LRFN5: variants seen among roughly 807,000 people sequenced by gnomAD.
LRFN5 encodes the protein leucine rich repeat and fibronectin type III domain containing 5, also known as leucine-rich repeat and fibronectin type-III domain-containing protein 5.
LRFN5 carries 24 observed loss-of-function variants against 45.6 expected under a neutral mutation model. That is an observed-to-expected ratio of 0.53 (90% CI 0.38 to 0.74). LRFN5 has a LOEUF of 0.74. Ranked by LOEUF, LRFN5 falls within the 30% of genes least tolerant of loss-of-function variation. The probability of loss-of-function intolerance (pLI) is 0.00; values close to 1 mark genes in which losing one functional copy is unlikely to be tolerated. For synonymous variants in LRFN5, 340 were observed against 313.8 expected (o/e 1.08, Z -0.88); for missense variants, 776 against 861.5 (o/e 0.90, Z 1.24).
intron 2 of LRFN5, among the ~76,000 whole-genome samples, chr14:41,771,035 A>T (rs1886066483): frequency 6.6e-6 from 1 of 151,926 alleles, no homozygotes; most frequent in South Asian, 2.1e-4. Flanking sequence ...CCAAGGCTTA[A>T]GGCTTGTGCC....
At chr14:41,885,546 T>C (rs923896418) in intron 2 of LRFN5, among the ~76,000 whole-genome samples, 3 of 152,104 alleles carry the variant, frequency 2.0e-5, no homozygotes, top group Non-Finnish European at 1.5e-5. Context: ...CAGAATATAA[T>C]ATCTTGTTGA....
chr14:41,654,880 T>C (rs1880303887), intron 1 of LRFN5, among the ~76,000 whole-genome samples: 1 of 152,056 alleles, frequency 6.6e-6, no homozygotes, highest in Non-Finnish European at 1.5e-5. Context: ...AGATACCACA[T>C]GAACAGTAGT....
chr14:41,646,639 C>CT (rs539287604), intron 1 of LRFN5, among the ~76,000 whole-genome samples: 13 of 151,984 alleles, frequency 8.6e-5, no homozygotes, highest in African/African-American at 1.7e-4. Flanking sequence ...CATCATTTTA[C>CT]TTTTTTTTGT....
At chr14:41,612,451 T>C (rs1250080231) in intron 1 of LRFN5, among the ~76,000 whole-genome samples, 1 of 152,128 alleles carries the variant, frequency 6.6e-6, no homozygotes, top group Non-Finnish European at 1.5e-5. Flanking sequence ...GGGTTTTGTA[T>C]GTAGTATAAT....
chr14:41,836,825 G>T (rs1888677267), intron 2 of LRFN5, among the ~76,000 whole-genome samples: 1 of 116,490 alleles, frequency 8.6e-6, no homozygotes, highest in African/African-American at 3.7e-5. Context: ...TAGCCTCCTT[G>T]TTGGGTATCT....
intron 1 of LRFN5, among the ~76,000 whole-genome samples, chr14:41,667,889 A>AT (rs1254089540): frequency 2.6e-5 from 4 of 152,176 alleles, no homozygotes; most frequent in South Asian, 2.1e-4. Flanking sequence ...ACATACAAGT[A>AT]TTTTTCAGTG....
At chr14:41,789,506 T>G (rs572910414) in intron 2 of LRFN5, among the ~76,000 whole-genome samples, 1 of 152,068 alleles carries the variant, frequency 6.6e-6, no homozygotes, top group South Asian at 2.1e-4. Flanking sequence ...CTAGCTTATT[T>G]GTAATGCACA....
At chr14:41,875,443 T>C (rs1890155056) in intron 2 of LRFN5, among the ~76,000 whole-genome samples, 1 of 152,232 alleles carries the variant, frequency 6.6e-6, no homozygotes, top group Non-Finnish European at 1.5e-5. Context: ...TTCCTAGTAG[T>C]ATTTACTGGT....
chr14:41,767,143 T>C (rs1281890536), intron 2 of LRFN5, 114 bp downstream of exon 2: 1 of 152,434 alleles, frequency 6.6e-6, no homozygotes, highest in Non-Finnish European at 1.5e-5. Context: ...TATTCATCAC[T>C]GATTACCTTG....
intron 1 of LRFN5, among the ~76,000 whole-genome samples, chr14:41,646,019 TG>T (rs765776402): frequency 2.5e-4 from 38 of 152,222 alleles, no homozygotes; most frequent in Admixed American, 1.8e-3. Flanking sequence ...TGTACATATT[TG>T]GGGAGTATAC....
intron 2 of LRFN5, among the ~76,000 whole-genome samples, chr14:41,877,975 A>C (rs889290990): frequency 1.3e-5 from 2 of 152,060 alleles, no homozygotes; most frequent in Non-Finnish European, 2.9e-5. Context: ...ATCAAATCCC[A>C]AAATGTAATT....
chr14:41,719,225 A>G (rs1048070718), intron 1 of LRFN5, among the ~76,000 whole-genome samples: 1 of 152,120 alleles, frequency 6.6e-6, no homozygotes, highest in African/African-American at 2.4e-5. Context: ...ATCATTGAAA[A>G]GGGGCTTATA....
intron 2 of LRFN5, among the ~76,000 whole-genome samples, chr14:41,829,814 T>C (rs917943296): frequency 6.6e-6 from 1 of 151,744 alleles, no homozygotes; most frequent in Non-Finnish European, 1.5e-5. Context: ...AAATTTCTGC[T>C]GTAACATTTA....
intron 1 of LRFN5, among the ~76,000 whole-genome samples, chr14:41,761,684 A>G (rs887403453): frequency 6.6e-6 from 1 of 152,052 alleles, no homozygotes; most frequent in African/African-American, 2.4e-5. Context: ...GTCTTCAGGG[A>G]AAAAAAAGTT....
At chr14:41,880,223 G>A (rs757502235) in intron 2 of LRFN5, among the ~76,000 whole-genome samples, 101 of 151,838 alleles carry the variant, frequency 6.7e-4, no homozygotes, top group Middle Eastern at 3.4e-3. Flanking sequence ...CACCGCGCCC[G>A]GCCCTCAATC....
At chr14:41,722,934 C>T (rs889667058) in intron 1 of LRFN5, among the ~76,000 whole-genome samples, 2 of 152,132 alleles carry the variant, frequency 1.3e-5, no homozygotes, top group Non-Finnish European at 2.9e-5. Context: ...AGCACCAGTG[C>T]CAAGGGAGAA....
intron 2 of LRFN5, among the ~76,000 whole-genome samples, chr14:41,783,639 G>C: frequency 6.6e-6 from 1 of 151,980 alleles, no homozygotes. Flanking sequence ...CATGCTGCTT[G>C]TCTGTTTAGA....
At chr14:41,702,488 G>C (rs1203296668) in intron 1 of LRFN5, among the ~76,000 whole-genome samples, 1 of 151,872 alleles carries the variant, frequency 6.6e-6, no homozygotes, top group East Asian at 1.9e-4. Context: ...TTAGAGACAG[G>C]GTCTCGCTCT....
At chr14:41,759,115 G>T (rs1475700312) in intron 1 of LRFN5, among the ~76,000 whole-genome samples, 1 of 152,058 alleles carries the variant, frequency 6.6e-6, no homozygotes, top group African/African-American at 2.4e-5. Context: ...ATTTTAAAGT[G>T]TAATACCTCT....
Sources: gnomAD v4.1 joint callset for allele counts (sites outside exome capture counted in the v4.1 genomes callset) on GRCh38, gnomAD v4.1.1 for gene constraint, MANE v1.5 for transcripts, NCBI Gene and HGNC (gene_info 2026-07-23, HGNC 2026-07-21) for gene names.